ITPR2: variants seen among roughly 807,000 people sequenced by gnomAD.
ITPR2 encodes the protein inositol 1,4,5-trisphosphate receptor type 2, also known as inositol 1,4,5-trisphosphate-gated calcium channel ITPR2.
ITPR2 carries 207 observed loss-of-function variants against 317.1 expected under a neutral mutation model. The ratio of observed to expected loss-of-function variants is 0.65; its 90% CI spans 0.58 to 0.73. The LOEUF is 0.73. Among genes scored for constraint, ITPR2 ranks in the 30% least tolerant of loss-of-function variants. The probability of loss-of-function intolerance (pLI) is 0.00; values close to 1 mark genes in which losing one functional copy is unlikely to be tolerated. For synonymous variants in ITPR2, 1,156 were observed against 1,149.1 expected, an observed-to-expected ratio of 1.01 and a Z score of -0.12; for missense variants, 2,613 against 3,284.0, an observed-to-expected ratio of 0.80 and a Z score of 4.99.
chr12:26,487,374 T>A (rs887960677), intron 39 of ITPR2, 123 bp from the exon 40 acceptor site: 1 of 632,738 alleles, frequency 1.6e-6, no homozygotes, highest in Non-Finnish European at 2.6e-6. Context: ...CATTACTATT[T>A]CATAAATTGA....
At chr12:26,667,806 A>G (rs969192907) in intron 13 of ITPR2, among the ~76,000 whole-genome samples, 9 of 152,212 alleles carry the variant, frequency 5.9e-5, no homozygotes, top group African/African-American at 2.2e-4. Flanking sequence ...TAAGAAAGTA[A>G]AATTTTGTGA....
intron 38 of ITPR2, 31 bp downstream of exon 38, chr12:26,495,121 C>T (rs746548584): frequency 7.7e-6 from 9 of 1,164,410 alleles, no homozygotes; most frequent in Non-Finnish European, 1.0e-5. Flanking sequence ...CATGAGAATC[C>T]TAAAATGAGA....
chr12:26,825,694 G>T (rs1950999330), intron 1 of ITPR2, among the ~76,000 whole-genome samples: 1 of 152,178 alleles, frequency 6.6e-6, no homozygotes, highest in Admixed American at 6.5e-5. Flanking sequence ...GGGCTGAAAA[G>T]CTGTTATGGT....
Position 26,658,051 on chromosome 12 carries a change from T to C in ITPR2, c.1966A>G (p.Met656Val), listed in dbSNP as rs1947414117. ...ATGTCTGCATTGCCTGGACTCAACA[T>C]AAATTTACAGATGAGTTCTTGAGTT... is the stretch of plus-strand genomic sequence containing the variant. The part of the protein sequence containing the change: ...PVTQELICKF[M>V]LSPGNADILI... The change falls in exon 17 of 57, where the codon ATG becomes GTG. Residue 656 changes from methionine to valine, a missense_variant. Around this residue, in one of 9 missense-constraint regions of ITPR2, gnomAD observed 817 missense variants for 897.6 expected, o/e 0.91. Coordinates refer to ENST00000381340, the MANE Select transcript of ITPR2 (RefSeq NM_002223.4). The C allele has an allele frequency of 6.2e-7, 1 of 1,613,230 alleles. No individual in the cohort carries two copies. Among genetic ancestry groups the C allele is most frequent in the Non-Finnish European group, 8.5e-7 (1 of 1,179,422 alleles).
chr12:26,575,693 G>T (rs537712698), intron 34 of ITPR2, among the ~76,000 whole-genome samples: 40 of 152,286 alleles, frequency 2.6e-4, no homozygotes, highest in African/African-American at 9.6e-4. Flanking sequence ...GGACATGGTA[G>T]GAAATGAAGT....
intron 1 of ITPR2, 51 bp downstream of exon 1, chr12:26,832,639 G>T: frequency 7.1e-7 from 1 of 1,412,682 alleles, no homozygotes; most frequent in Non-Finnish European, 9.8e-7. Flanking sequence ...ACAGGGACTG[G>T]TTCCCAGGAC....
chr12:26,592,406 T>C (rs540612286), intron 32 of ITPR2, among the ~76,000 whole-genome samples: 1 of 152,328 alleles, frequency 6.6e-6, no homozygotes, highest in Admixed American at 6.5e-5. Context: ...TAAAGAAATA[T>C]AACTGGATTG....
intron 41 of ITPR2, among the ~76,000 whole-genome samples, 195 bp from the exon 42 acceptor site, chr12:26,484,093 A>G (rs1942605396): frequency 6.6e-6 from 1 of 151,358 alleles, no homozygotes; most frequent in African/African-American, 2.4e-5. Flanking sequence ...ATATATACAC[A>G]CACACATATA....
intron 9 of ITPR2, among the ~76,000 whole-genome samples, chr12:26,710,522 T>C (rs945036931): frequency 2.0e-5 from 3 of 152,312 alleles, no homozygotes; most frequent in African/African-American, 7.2e-5. Context: ...TTTTCATACA[T>C]CTGGAAAAGA....
At chr12:26,409,496 C>T (rs1287115900) in intron 52 of ITPR2, among the ~76,000 whole-genome samples, 1 of 152,030 alleles carries the variant, frequency 6.6e-6, no homozygotes, top group Non-Finnish European at 1.5e-5. Flanking sequence ...ATTTCTGGCA[C>T]CCTTAATGGA....
chr12:26,628,116 G>T lies in ITPR2; in HGVS notation c.2981C>A (p.Ser994Ter), dbSNP rs1221860683. ...CTCTCCAAACTCCTTCTTATATATT[G>T]ACAGCATATATGAGATCCTATAATC... ...RLDYRISYML[S>*]IYKKEFGEDN... The change falls in exon 23 of 57, where the codon TCA becomes TAA. Residue 994 changes from serine (S) to a stop codon, truncating the protein, a stop_gained. Coordinates refer to ENST00000381340, the MANE Select transcript of ITPR2 (RefSeq NM_002223.4). LOFTEE classifies it high-confidence loss of function. 1 of 1,604,902 alleles carries T rather than the reference G, an allele frequency of 6.2e-7. No individual in the cohort carries two copies. Among genetic ancestry groups the T allele is most frequent in the African/African-American group, 1.3e-5 (1 of 74,796 alleles).
chr12:26,544,817 A>G (rs760467898), intron 37 of ITPR2, among the ~76,000 whole-genome samples: 5 of 152,106 alleles, frequency 3.3e-5, no homozygotes, highest in South Asian at 4.1e-4. Flanking sequence ...ACACAGTCGA[A>G]ATCCAGCTGG....
chr12:26,762,375 G>T (rs1015800789), intron 2 of ITPR2, among the ~76,000 whole-genome samples: 1 of 152,104 alleles, frequency 6.6e-6, no homozygotes, highest in African/African-American at 2.4e-5. Context: ...ACTTACATAA[G>T]ACTATCAGCA....
At chr12:26,578,126 C>A (rs1258785986) in intron 34 of ITPR2, among the ~76,000 whole-genome samples, 3 of 152,072 alleles carry the variant, frequency 2.0e-5, no homozygotes, top group Non-Finnish European at 4.4e-5. Flanking sequence ...TTTCTTCTCT[C>A]CTCTCCCCTC....
chr12:26,723,058 C>T (rs557207250), intron 4 of ITPR2, among the ~76,000 whole-genome samples: 2 of 152,192 alleles, frequency 1.3e-5, no homozygotes, highest in Non-Finnish European at 2.9e-5. Flanking sequence ...TCTACACCTT[C>T]TGCCAGGGGA....
intron 2 of ITPR2, among the ~76,000 whole-genome samples, chr12:26,759,763 C>T (rs887762964): frequency 2.9e-4 from 44 of 152,204 alleles, no homozygotes; most frequent in Non-Finnish European, 5.9e-4. Flanking sequence ...TCTAAAGCTT[C>T]TAGTGATTAG....
chr12:26,742,730 C>T (rs1279033260), intron 2 of ITPR2, among the ~76,000 whole-genome samples: 1 of 151,844 alleles, frequency 6.6e-6, no homozygotes, highest in Non-Finnish European at 1.5e-5. Flanking sequence ...AGGAGAATCC[C>T]TTGAACCCGG....
chr12:26,414,050 T>TATACACACACAC (rs1555121665), intron 51 of ITPR2, among the ~76,000 whole-genome samples: 5 of 138,112 alleles, frequency 3.6e-5, no homozygotes, highest in African/African-American at 1.1e-4. Flanking sequence ...TGTATATATG[T>TATACACACACAC]ACACACACAC....
At position 26,659,302 on chromosome 12, in the gene ITPR2, C is replaced by G. The variant is rs200865279; in HGVS notation, c.1714-17G>C. The G allele has an allele frequency of 1.5e-4, 235 of 1,609,732 alleles. 2 individuals are homozygous for G. The highest frequency in any genetic ancestry group is 5.6e-5 in the Non-Finnish European group (66 of 1,177,742). On this transcript the variant is annotated splice_polypyrimidine_tract_variant and intron_variant, in intron 15 of 56. Coordinates refer to ENST00000381340, the MANE Select transcript of ITPR2 (RefSeq NM_002223.4). ...AATATATTCCTGCAAAGAAGAAAGG[C>G]TGTCAGAATGCACTGCCAAACAGCT...
Sources: allele counts gnomAD v4.1 joint callset (sites outside exome capture counted in the v4.1 genomes callset), GRCh38; gene constraint gnomAD v4.1.1; regional missense constraint gnomAD v4.1.1; transcripts MANE v1.5; gene names NCBI Gene and HGNC (gene_info 2026-07-23, HGNC 2026-07-21).